The following VWA3B variants were observed in gnomAD, a reference collection of about 807,000 sequenced individuals.
VWA3B encodes the protein von Willebrand factor A domain-containing protein 3B.
VWA3B carries 138 observed loss-of-function variants against 158.3 expected under a neutral mutation model. That is an observed-to-expected ratio of 0.87 (90% CI 0.76 to 1.00). The LOEUF is 1.00. Among genes scored for constraint, VWA3B ranks in the 50% least tolerant of loss-of-function variants. The probability of loss-of-function intolerance (pLI) is 0.00; values close to 1 mark genes in which losing one functional copy is unlikely to be tolerated. For synonymous variants in VWA3B, 596 were observed against 587.3 expected (o/e 1.01, Z -0.21); for missense variants, 1,555 against 1,565.1 (o/e 0.99, Z 0.11).
intron 2 of VWA3B, among the ~76,000 whole-genome samples, chr2:98,110,699 T>C (rs564417609): frequency 1.3e-5 from 2 of 152,196 alleles, no homozygotes; most frequent in Non-Finnish European, 2.9e-5. Context: ...AGAGTGCACA[T>C]TGTACCCAAT....
chr2:98,124,425 T>C (rs559939281), intron 5 of VWA3B, among the ~76,000 whole-genome samples: 2 of 152,166 alleles, frequency 1.3e-5, no homozygotes, highest in East Asian at 3.9e-4. Context: ...CCCTGAAACC[T>C]GGGAGGCCAG....
chr2:98,144,770 T>C (rs1677045104), intron 7 of VWA3B, among the ~76,000 whole-genome samples: 1 of 152,194 alleles, frequency 6.6e-6, no homozygotes, highest in South Asian at 2.1e-4. Flanking sequence ...TTTTGCCATG[T>C]TGACTAGTCT....
intron 1 of VWA3B, among the ~76,000 whole-genome samples, chr2:98,091,333 G>A (rs951221751): frequency 1.3e-5 from 2 of 152,224 alleles, no homozygotes; most frequent in African/African-American, 2.4e-5. Flanking sequence ...CATGTAAGTG[G>A]CGTGTTAATA....
chr2:98,216,982 A>AACCC (rs1553417708), intron 13 of VWA3B: 1 of 1,232,684 alleles, frequency 8.1e-7, no homozygotes, highest in Non-Finnish European at 1.0e-6. Flanking sequence ...CATTGTAAGC[A>AACCC]CCCGCCCCGC....
chr2:98,124,793 C>T (rs1165555535), intron 5 of VWA3B, among the ~76,000 whole-genome samples: 1 of 152,216 alleles, frequency 6.6e-6, no homozygotes, highest in African/African-American at 2.4e-5. Context: ...GAAGCACACA[C>T]TCCTAATCTG....
Position 98,192,892 on chromosome 2 carries a change from G to T in VWA3B, c.1467-6G>T. 6.2e-7 allele frequency: 1 copy of T among 1,614,142 alleles called. No homozygotes were observed. The highest frequency in any genetic ancestry group is 8.5e-7 in the Non-Finnish European group (1 of 1,180,016). On this transcript the variant is annotated splice_region_variant and splice_polypyrimidine_tract_variant and intron_variant, in intron 10 of 27. Coordinates refer to ENST00000477737, the MANE Select transcript of VWA3B (RefSeq NM_144992.5). Reference sequence around the variant, plus strand: ...ACCATTCACTTTCAACCTACTTCCTGCCTAGGATTAAATGGCTACAGGATG... The same window carrying T: ...ACCATTCACTTTCAACCTACTTCCTTCCTAGGATTAAATGGCTACAGGATG...
intron 8 of VWA3B, among the ~76,000 whole-genome samples, chr2:98,180,288 A>G (rs55780436): frequency 0.041 from 6,277 of 152,084 alleles, 424 homozygotes; most frequent in African/African-American, 0.14. Context: ...TCCGCCTCCC[A>G]GGTTGAAGCA....
chr2:98,179,786 T>TTTC (rs1680342820), intron 8 of VWA3B, among the ~76,000 whole-genome samples: 27 of 116,772 alleles, frequency 2.3e-4, no homozygotes, highest in African/African-American at 6.7e-4. Context: ...TTTCTCTTTC[T>TTTC]TTTCTTTCTT....
intron 6 of VWA3B, among the ~76,000 whole-genome samples, chr2:98,133,141 A>G (rs1676004032): frequency 6.6e-6 from 1 of 152,158 alleles, no homozygotes; most frequent in Non-Finnish European, 1.5e-5. Flanking sequence ...AGTGCTTTCA[A>G]ACTTTCATGT....
At chr2:98,164,988 A>G (rs1254785393) in intron 8 of VWA3B, among the ~76,000 whole-genome samples, 2 of 152,230 alleles carry the variant, frequency 1.3e-5, no homozygotes, top group Non-Finnish European at 2.9e-5. Flanking sequence ...GACTATCATA[A>G]TCTTGATGCT....
intron 20 of VWA3B, among the ~76,000 whole-genome samples, chr2:98,254,592 G>A (rs148748062): frequency 2.0e-5 from 3 of 152,162 alleles, no homozygotes; most frequent in East Asian, 1.9e-4. Context: ...CCCTCTTCCC[G>A]ACTCTTTTTC....
intron 22 of VWA3B, among the ~76,000 whole-genome samples, chr2:98,286,203 A>G (rs1689157980): frequency 6.6e-6 from 1 of 152,144 alleles, no homozygotes; most frequent in African/African-American, 2.4e-5. Context: ...CACATACAGA[A>G]TCATGTCATT....
intron 19 of VWA3B, among the ~76,000 whole-genome samples, chr2:98,246,500 C>G (rs1003374920): frequency 1.3e-5 from 2 of 152,110 alleles, no homozygotes; most frequent in African/African-American, 4.8e-5. Flanking sequence ...GCCTCAGCCT[C>G]CCAGGCAGCT....
At chr2:98,211,719 G>A (rs1683532207) in intron 12 of VWA3B, among the ~76,000 whole-genome samples, 1 of 152,216 alleles carries the variant, frequency 6.6e-6, no homozygotes, top group East Asian at 1.9e-4. Flanking sequence ...CTGACTTCTA[G>A]CAGTCCTTGG....
At chr2:98,112,680 T>C (rs953986380) in intron 2 of VWA3B, among the ~76,000 whole-genome samples, 1 of 147,854 alleles carries the variant, frequency 6.8e-6, no homozygotes, top group Non-Finnish European at 1.5e-5. Flanking sequence ...ATCTGTAGGG[T>C]TTTTTTTAAT....
chr2:98,119,526 C>A lies in VWA3B; in HGVS notation c.305C>A (p.Ser102Ter), dbSNP rs769363065. The change falls in exon 4 of 28, where the codon TCA becomes TAA. Residue 102 changes from serine (S) to a stop codon, truncating the protein, a stop_gained. Transcript: ENST00000477737. LOFTEE classifies it high-confidence loss of function. ...ATTTTCATTAAGCTGACAGCTAAATCAGAACTGATTTATCAGTTTGTGGAA... is the reference window on the plus strand; with the variant it reads ...ATTTTCATTAAGCTGACAGCTAAATAAGAACTGATTTATCAGTTTGTGGAA... ...DGRVYNLTAK[S>*]ELIYQFVEHL... is the part of the protein sequence containing the mutation. 3.1e-6 allele frequency: 5 copies of A among 1,613,452 alleles called. No homozygotes were observed. The highest frequency in any genetic ancestry group is 1.3e-5 in the African/African-American group (1 of 74,830).
chr2:98,284,567 A>G (rs1308484666), intron 22 of VWA3B, among the ~76,000 whole-genome samples: 1 of 152,264 alleles, frequency 6.6e-6, no homozygotes, highest in Non-Finnish European at 1.5e-5. Context: ...TAAAGTATGC[A>G]TTGAATATTT....
At chr2:98,100,472 A>G (rs1285318111) in intron 2 of VWA3B, among the ~76,000 whole-genome samples, 1 of 152,246 alleles carries the variant, frequency 6.6e-6, no homozygotes, top group East Asian at 1.9e-4. Context: ...AGTGCCACAC[A>G]GAGGCACAAC....
At chr2:98,207,388 C>T in intron 12 of VWA3B, 1 of 483,250 alleles carries the variant, frequency 2.1e-6, no homozygotes, top group Non-Finnish European at 4.2e-6. Context: ...TGGCAATGAG[C>T]ATAATGATGT....
Sources: gnomAD v4.1 joint callset for allele counts (sites outside exome capture counted in the v4.1 genomes callset) on GRCh38, gnomAD v4.1.1 for gene constraint, MANE v1.5 for transcripts, NCBI Gene and HGNC (gene_info 2026-07-23, HGNC 2026-07-21) for gene names.